Variants in ENTPD1 observed in about 807,000 individuals in gnomAD.
ENTPD1 encodes the protein ATP diphosphohydrolase.
Under a neutral mutation model 57.0 loss-of-function variants are expected in ENTPD1, and 33 were observed. The ratio of observed to expected loss-of-function variants is 0.58; its 90% CI spans 0.44 to 0.77. The LOEUF (loss-of-function observed/expected upper bound fraction) is 0.77, where lower values mean the gene tolerates loss of function less well. Ranked by LOEUF, ENTPD1 falls within the 30% of genes least tolerant of loss-of-function variation. The pLI is 0.00. For synonymous variants in ENTPD1, 202 were observed against 218.8 expected, an observed-to-expected ratio of 0.92 and a Z score of 0.68; for missense variants, 501 against 603.4, an observed-to-expected ratio of 0.83 and a Z score of 1.78.
At chr10:95,827,756 A>G (rs2098382998) in intron 2 of ENTPD1, among the ~76,000 whole-genome samples, 1 of 152,186 alleles carries the variant, frequency 6.6e-6, no homozygotes, top group Non-Finnish European at 1.5e-5. Flanking sequence ...TGTTGGGATT[A>G]CAGGCATGAG....
the ENTPD1 span, among the ~76,000 whole-genome samples, chr10:95,702,828 G>T: frequency 6.6e-6 from 1 of 152,186 alleles, no homozygotes; most frequent in African/African-American, 2.4e-5. Context: ...TGTCGCCCAT[G>T]CTGGAGTGCA....
upstream of ENTPD1, among the ~76,000 whole-genome samples, chr10:95,710,132 C>T (rs549610227): frequency 2.7e-4 from 40 of 150,176 alleles, no homozygotes; most frequent in South Asian, 1.1e-3. Flanking sequence ...AGGCCAGGCA[C>T]GGTGGCTCAT....
chr10:95,819,614 A>G (rs2098341856), intron 1 of ENTPD1, among the ~76,000 whole-genome samples: 1 of 152,278 alleles, frequency 6.6e-6, no homozygotes. Flanking sequence ...ATTGGCTTGA[A>G]ATCAGCCTGT....
chr10:95,767,834 C>A (rs1490570372), intron 1 of ENTPD1, among the ~76,000 whole-genome samples: 1 of 152,120 alleles, frequency 6.6e-6, no homozygotes, highest in African/African-American at 2.4e-5. Flanking sequence ...TATGTCCCCC[C>A]AAAAGCATAT....
intron 1 of ENTPD1, among the ~76,000 whole-genome samples, chr10:95,804,631 A>G (rs534749728): frequency 2.6e-5 from 4 of 152,362 alleles, no homozygotes; most frequent in South Asian, 2.1e-4. Context: ...GTCATCTGCA[A>G]ACAGGGACAA....
chr10:95,823,352 A>C lies in ENTPD1; in HGVS notation c.132A>C (p.Pro44=). 1 of 1,614,154 alleles carries C rather than the reference A, an allele frequency of 6.2e-7. No homozygotes were observed. The highest frequency in any genetic ancestry group is 1.1e-5 in the South Asian group (1 of 91,090). ...GGTTGACCCAGAACAAAGCATTGCC[A>C]GAAAACGTTAAGGTAAGTCAAATAT... The part of the protein sequence containing the change: ...AVGLTQNKAL[P]ENVKYGIVLD... The change falls in exon 2 of 10, where the codon CCA becomes CCC. Residue 44 remains proline (P), a synonymous_variant. Transcript: ENST00000371205.
intron 1 of ENTPD1, among the ~76,000 whole-genome samples, chr10:95,721,617 TCTGA>T (rs1236942327): frequency 6.6e-6 from 1 of 152,040 alleles, no homozygotes; most frequent in Non-Finnish European, 1.5e-5. Flanking sequence ...GTACATACAC[TCTGA>T]CTGGGCCGAA....
chr10:95,706,983 C>G (rs2097962815), upstream of ENTPD1, among the ~76,000 whole-genome samples: 1 of 152,188 alleles, frequency 6.6e-6, no homozygotes, highest in Admixed American at 6.5e-5. Flanking sequence ...CGCTCCTAAG[C>G]CTGCAGGGAC....
intron 1 of ENTPD1, among the ~76,000 whole-genome samples, chr10:95,725,575 A>T (rs1483225640): frequency 6.6e-6 from 1 of 151,880 alleles, no homozygotes; most frequent in Non-Finnish European, 1.5e-5. Context: ...TTTTATTCTT[A>T]ATTTTTAGCC....
At chr10:95,863,165 A>T (rs895718703) in intron 8 of ENTPD1, among the ~76,000 whole-genome samples, 1 of 152,232 alleles carries the variant, frequency 6.6e-6, no homozygotes, top group African/African-American at 2.4e-5. Context: ...GCCAGACTGC[A>T]TAGCCAATGT....
At chr10:95,754,583 A>G (rs940580055), upstream of ENTPD1, 4 of 152,212 alleles carry the variant, frequency 2.6e-5, no homozygotes, top group Non-Finnish European at 2.9e-5. Context: ...AAAGGCAGTC[A>G]TAAACCAATT....
intron 2 of ENTPD1, among the ~76,000 whole-genome samples, chr10:95,825,755 T>C (rs1436239437): frequency 6.6e-6 from 1 of 152,170 alleles, no homozygotes; most frequent in Non-Finnish European, 1.5e-5. Context: ...TTTTTTTGTA[T>C]TTTTAGTAGA....
At position 95,873,704 on chromosome 10, in the gene ENTPD1, A is replaced by C. The variant is rs1176596053; in HGVS notation, c.*7321A>C. 1.0e-6 allele frequency: 1 copy of C among 984,286 alleles called. No homozygotes were observed. The highest frequency in any genetic ancestry group is 1.2e-6 in the Non-Finnish European group (1 of 828,996). The allele number at this position is 984,286 out of a possible 1,614,324, so 61.0% of individuals were successfully genotyped here. On this transcript the variant is annotated 3_prime_UTR_variant, in exon 10 of 10. Transcript: ENST00000371205. ...ATTGGTTTTTAAAAACTATGATTGT[A>C]TTAGTTCGTTTCCATGCTGCTGATA...
chr10:95,850,014 G>A (rs1382102271), intron 7 of ENTPD1, among the ~76,000 whole-genome samples: 1 of 152,206 alleles, frequency 6.6e-6, no homozygotes, highest in East Asian at 1.9e-4. Context: ...GCCAATTCCT[G>A]CCTTCAAGCT....
intron 1 of ENTPD1, among the ~76,000 whole-genome samples, chr10:95,747,542 T>C (rs994916691): frequency 1.3e-5 from 2 of 152,196 alleles, no homozygotes; most frequent in East Asian, 1.9e-4. Flanking sequence ...CTGTCCCCCC[T>C]ATCTGGCCCC....
In ENTPD1 at chr10:95,877,007, T is replaced by C. The variant is rs1442623803; in HGVS notation, c.*10624T>C. Among the ~76,000 whole-genome samples the C allele has an allele frequency of 6.6e-6, 1 of 152,164 alleles. No individual in the cohort carries two copies. Among genetic ancestry groups the C allele is most frequent in the Non-Finnish European group, 1.5e-5 (1 of 68,022 alleles). On this transcript the variant is annotated 3_prime_UTR_variant, in exon 10 of 10. Coordinates refer to ENST00000371205, the MANE Select transcript of ENTPD1 (RefSeq NM_001776.6). ...CCTTGCTGAATGACTAGAATGGAAG[T>C]AGGAGACATTTTGCAGGCCCCCTTC...
chr10:95,845,260 C>CT (rs1260338880), intron 5 of ENTPD1, 97 bp from the exon 6 acceptor site: 5 of 1,567,352 alleles, frequency 3.2e-6, no homozygotes, highest in Non-Finnish European at 4.4e-6. Context: ...CTTTATGCCC[C>CT]TGTTTCTTTG....
chr10:95,713,751 C>T (rs975636018), intron 1 of ENTPD1, among the ~76,000 whole-genome samples: 1 of 152,178 alleles, frequency 6.6e-6, no homozygotes, highest in East Asian at 1.9e-4. Flanking sequence ...AAAAGGTAGA[C>T]AGGATATCCA....
chr10:95,786,265 A>G (rs762935531), intron 1 of ENTPD1, among the ~76,000 whole-genome samples: 2 of 152,150 alleles, frequency 1.3e-5, no homozygotes, highest in Non-Finnish European at 2.9e-5. Flanking sequence ...GGTGAGAAGG[A>G]CCACACAGCT....
Sources: allele counts gnomAD v4.1 joint callset (sites outside exome capture counted in the v4.1 genomes callset), GRCh38; gene constraint gnomAD v4.1.1; transcripts MANE v1.5; gene names NCBI Gene and HGNC (gene_info 2026-07-23, HGNC 2026-07-21).